SHISAL1: variants seen among roughly 807,000 people sequenced by gnomAD.
The protein encoded by SHISAL1 is shisa like 1.
Under a neutral mutation model 22.6 loss-of-function variants are expected in SHISAL1, and 9 were observed. That is an observed-to-expected ratio of 0.40 (90% CI 0.24 to 0.70). The LOEUF is 0.70. SHISAL1 is among the 30% of genes least tolerant of loss of function. The probability of loss-of-function intolerance (pLI) is 0.39; values close to 1 mark genes in which losing one functional copy is unlikely to be tolerated. For synonymous variants in SHISAL1, 119 were observed against 115.4 expected (o/e 1.03, Z -0.20); for missense variants, 246 against 270.6 (o/e 0.91, Z 0.64).
At chr22:44,323,949 T>G in the SHISAL1 span, among the ~76,000 whole-genome samples, 1 of 152,204 alleles carries the variant, frequency 6.6e-6, no homozygotes, top group African/African-American at 2.4e-5. Context: ...CTCGTTTAAT[T>G]CCTGAAGAGG....
At chr22:44,284,897 G>GCCTGCCTGCCTGCCTTCCTTCCTTCCTT (rs570595554) in intron 4 of SHISAL1, among the ~76,000 whole-genome samples, 3,352 of 134,482 alleles carry the variant, frequency 0.025, 64 homozygotes, top group Middle Eastern at 0.068. Context: ...CTGCCTTCCT[G>GCCTGCCTGCCTGCCTTCCTTCCTTCCTT]CCTTCCTTCC....
chr22:44,297,890 GA>G (rs1195967623), intron 2 of SHISAL1, among the ~76,000 whole-genome samples: 1 of 152,196 alleles, frequency 6.6e-6, no homozygotes, highest in Non-Finnish European at 1.5e-5. Context: ...CCAGCTCGTT[GA>G]AAGCTCTGTG....
intron 3 of SHISAL1, among the ~76,000 whole-genome samples, chr22:44,295,056 G>T (rs1348732393): frequency 2.0e-5 from 3 of 152,034 alleles, no homozygotes; most frequent in South Asian, 2.1e-4. Context: ...GGATTTTTTT[G>T]GGGGGAGGTA....
rs2055032102 is a variant in SHISAL1, at chr22:44,249,580, TACCTCG to T, written c.*99_*104del. 1.3e-6 allele frequency: 1 copy of T among 741,526 alleles called. No homozygotes were observed. The highest frequency in any genetic ancestry group is 1.8e-5 in the African/African-American group (1 of 56,886). 45.9% of individuals were successfully genotyped at this position (741,526 alleles called of 1,614,324 possible). A position where few individuals can be genotyped will look rare whatever the true frequency, so the allele number is the denominator to read the frequency against. On this transcript the variant is annotated 3_prime_UTR_variant, in exon 5 of 5. Coordinates refer to ENST00000381176, the MANE Select transcript of SHISAL1 (RefSeq NM_001099294.2). ...GCATTTCCTCCTGTGCCACCGCCGC[TACCTCG>T]GCTGTCCCTGGCATCTCTGTAGAAG...
rs1339822140 is a variant in SHISAL1, at chr22:44,244,408, C to G, written c.*5277G>C. Reference sequence around the variant, plus strand: ...TATGGGACAGTGTCGTGAATGGTGCCTCCTGGAGGTGAACCCTGCAGCAGC... The same window carrying G: ...TATGGGACAGTGTCGTGAATGGTGCGTCCTGGAGGTGAACCCTGCAGCAGC... On this transcript the variant is annotated 3_prime_UTR_variant, in exon 5 of 5. Coordinates refer to ENST00000381176, the MANE Select transcript of SHISAL1 (RefSeq NM_001099294.2). The G allele has an allele frequency of 6.6e-6, 1 of 152,210 alleles. No homozygotes were observed. The highest frequency in any genetic ancestry group is 2.4e-5 in the African/African-American group (1 of 41,448). 9.4% of individuals were successfully genotyped at this position (152,210 alleles called of 1,614,324 possible).
chr22:44,288,935 G>A (rs2055334485), intron 3 of SHISAL1, among the ~76,000 whole-genome samples: 1 of 152,216 alleles, frequency 6.6e-6, no homozygotes, highest in Non-Finnish European at 1.5e-5. Context: ...TGAAGGCGGG[G>A]TTGGGGTTCA....
At chr22:44,261,818 C>T (rs898869021) in intron 4 of SHISAL1, among the ~76,000 whole-genome samples, 9 of 152,240 alleles carry the variant, frequency 5.9e-5, no homozygotes, top group Admixed American at 1.3e-4. Flanking sequence ...TGCCCTGATG[C>T]GGGGGTCATG....
At chr22:44,308,907 G>C (rs566252254) in intron 1 of SHISAL1, among the ~76,000 whole-genome samples, 1 of 115,940 alleles carries the variant, frequency 8.6e-6, no homozygotes, top group African/African-American at 2.7e-5. Flanking sequence ...CTACTCTACT[G>C]TCATGGGGGG....
intron 4 of SHISAL1, among the ~76,000 whole-genome samples, chr22:44,249,915 A>G (rs2055035312): frequency 6.6e-6 from 1 of 152,256 alleles, no homozygotes; most frequent in Non-Finnish European, 1.5e-5. Flanking sequence ...GACAAGAAAA[A>G]TAAGCATAGA....
At position 44,269,405 on chromosome 22, in the gene SHISAL1, TAC is replaced by T. The variant is rs913262607; in HGVS notation, c.599+16021_599+16022del. Among the ~76,000 whole-genome samples, 7 of 133,846 alleles carry T rather than the reference TAC, an allele frequency of 5.2e-5. No individual in the cohort carries two copies. The South Asian group carries it at 1.2e-3, about 23-fold the overall frequency. The allele number at this position is 133,846 out of a possible 152,430, so 87.8% of individuals were successfully genotyped here. A position where few individuals can be genotyped will look rare whatever the true frequency, so the allele number is the denominator to read the frequency against. On this transcript the variant is annotated intron_variant, in intron 4 of 4. Transcript: ENST00000381176. Reference sequence around the variant, plus strand: ...CCATGACACACAGACACCCACACAATACACACACACACCATGCCACAGACAGA... The same window carrying T: ...CCATGACACACAGACACCCACACAATACACACACACCATGCCACAGACAGA...
At chr22:44,253,347 C>G (rs1048335781) in intron 4 of SHISAL1, among the ~76,000 whole-genome samples, 1 of 151,284 alleles carries the variant, frequency 6.6e-6, no homozygotes, top group Non-Finnish European at 1.5e-5. Flanking sequence ...GTTCATGTAC[C>G]AAATAGCATA....
chr22:44,279,091 G>A (rs1336374153), intron 4 of SHISAL1, among the ~76,000 whole-genome samples: 2 of 152,160 alleles, frequency 1.3e-5, no homozygotes, highest in African/African-American at 2.4e-5. Context: ...GTCACCACCC[G>A]CCTGCCGCCC....
At chr22:44,282,918 C>T (rs774802567) in intron 4 of SHISAL1, among the ~76,000 whole-genome samples, 4 of 152,174 alleles carry the variant, frequency 2.6e-5, no homozygotes, top group East Asian at 3.9e-4. Flanking sequence ...CTGGGCCACC[C>T]GGGGACCAGG....
chr22:44,273,211 G>C (rs58796729), intron 4 of SHISAL1, among the ~76,000 whole-genome samples: 5,294 of 152,248 alleles, frequency 0.035, 333 homozygotes, highest in African/African-American at 0.12. Context: ...ATTATGCACA[G>C]GGGCAAGCTG....
chr22:44,296,992 T>G, intron 2 of SHISAL1, 107 bp from the exon 3 acceptor site: 2 of 825,390 alleles, frequency 2.4e-6, no homozygotes, highest in Admixed American at 2.1e-5. Context: ...GCTTCTTCCC[T>G]CCCCTGGATG....
intron 3 of SHISAL1, among the ~76,000 whole-genome samples, chr22:44,295,220 A>G (rs1569221714): frequency 6.6e-6 from 1 of 151,962 alleles, no homozygotes. Context: ...ATCACACTCT[A>G]CCTCAATACT....
At position 44,245,309 on chromosome 22, in the gene SHISAL1, T is replaced by C. The variant is rs1461654055; in HGVS notation, c.*4376A>G. On this transcript the variant is annotated 3_prime_UTR_variant, in exon 5 of 5. Transcript: ENST00000381176. ...TAACTCCATCCAGGTCTGTTCTTCC[T>C]TCCTTCCTTCTTACCTACCTACCTA... is the stretch of plus-strand genomic sequence containing the variant. 2.0e-5 allele frequency: 3 copies of C among 152,298 alleles called. No individual in the cohort carries two copies. Among genetic ancestry groups the C allele is most frequent in the Non-Finnish European group, 4.4e-5 (3 of 68,156 alleles). The allele number at this position is 152,298 out of a possible 1,614,324, so 9.4% of individuals were successfully genotyped here. A position where few individuals can be genotyped will look rare whatever the true frequency, so the allele number is the denominator to read the frequency against.
rs567303153 is a variant in SHISAL1, at chr22:44,268,023, T to A, written c.599+17405A>T. 5.3e-5 allele frequency among the ~76,000 whole-genome samples: 8 copies of A among 152,272 alleles called. No individual in the cohort carries two copies. In the East Asian group the frequency reaches 1.5e-3, roughly 29 times the overall value. ...TGGGAGTGGGGTCAACAGGGAGCTG[T>A]GTTGGGGGACCTTTGGGGGCTTCCA... On this transcript the variant is annotated intron_variant, in intron 4 of 4. Transcript: ENST00000381176.
intron 3 of SHISAL1, among the ~76,000 whole-genome samples, chr22:44,291,448 G>A (rs2055351954): frequency 6.6e-6 from 1 of 152,212 alleles, no homozygotes; most frequent in South Asian, 2.1e-4. Context: ...CTAGTGAACG[G>A]GGCTAGTGGA....
Sources: allele counts gnomAD v4.1 joint callset (sites outside exome capture counted in the v4.1 genomes callset), GRCh38; gene constraint gnomAD v4.1.1; transcripts MANE v1.5; gene names NCBI Gene and HGNC (gene_info 2026-07-23, HGNC 2026-07-21).